PLAAT3: variants seen among roughly 807,000 people sequenced by gnomAD.
The protein encoded by PLAAT3 is Ca-independent phospholipase A1/2.
In PLAAT3, 21 loss-of-function variants were observed where a neutral mutation model predicts 16.7. The observed-to-expected ratio is 1.26, with a 90% CI of 0.89 to 1.81. The LOEUF (loss-of-function observed/expected upper bound fraction) is 1.81, where lower values mean the gene tolerates loss of function less well. Among genes scored for constraint, PLAAT3 ranks in the 40% most tolerant of loss-of-function variants. The pLI, the probability that PLAAT3 is intolerant of heterozygous loss-of-function variation, is 0.00. For missense variants in PLAAT3, 219 were observed against 213.7 expected (o/e 1.02, Z -0.16); for synonymous variants, 76 against 81.7 (o/e 0.93, Z 0.38).
At chr11:63,586,278 T>G (rs1259030692) in intron 4 of PLAAT3, among the ~76,000 whole-genome samples, 1 of 152,048 alleles carries the variant, frequency 6.6e-6, no homozygotes, top group Non-Finnish European at 1.5e-5. Context: ...GGACTGCAGG[T>G]GCCCGCCATC....
At chr11:63,600,424 G>A (rs1938394637) in intron 2 of PLAAT3, among the ~76,000 whole-genome samples, 1 of 152,178 alleles carries the variant, frequency 6.6e-6, no homozygotes, top group African/African-American at 2.4e-5. Flanking sequence ...CATACTGTAT[G>A]ATTCCATCTA....
chr11:63,584,143 T>C (rs1174389921), intron 4 of PLAAT3, among the ~76,000 whole-genome samples: 1 of 152,176 alleles, frequency 6.6e-6, no homozygotes, highest in Non-Finnish European at 1.5e-5. Context: ...TTTGGTTTCA[T>C]TTACAGTAAT....
At chr11:63,585,943 G>A in intron 4 of PLAAT3, among the ~76,000 whole-genome samples, 1 of 152,152 alleles carries the variant, frequency 6.6e-6, no homozygotes, top group Middle Eastern at 3.4e-3. Flanking sequence ...ATGGCCAGGC[G>A]CAGTGGCTCA....
upstream of PLAAT3, among the ~76,000 whole-genome samples, chr11:63,615,326 G>A (rs373546584): frequency 4.4e-3 from 45 of 10,218 alleles, 9 homozygotes; most frequent in Non-Finnish European, 0.016. Context: ...ATATATGTGT[G>A]TATATATGTG....
intron 4 of PLAAT3, among the ~76,000 whole-genome samples, chr11:63,578,322 C>A: frequency 6.6e-6 from 1 of 151,294 alleles, no homozygotes; most frequent in East Asian, 1.9e-4. Flanking sequence ...TGCTCTGAGT[C>A]CCATCTTAAT....
intron 4 of PLAAT3, among the ~76,000 whole-genome samples, chr11:63,586,726 C>T (rs1222733870): frequency 7.0e-6 from 1 of 141,954 alleles, no homozygotes; most frequent in African/African-American, 2.6e-5. Flanking sequence ...ACTGCTAATT[C>T]AAAAAAAAAA....
At chr11:63,604,106 C>G (rs1479060604) in intron 2 of PLAAT3, among the ~76,000 whole-genome samples, 1 of 152,066 alleles carries the variant, frequency 6.6e-6, no homozygotes, top group Non-Finnish European at 1.5e-5. Flanking sequence ...GAGCTGAGAT[C>G]ACGCCACTGC....
chr11:63,588,581 C>G (rs1565249657), intron 4 of PLAAT3, among the ~76,000 whole-genome samples: 1 of 152,152 alleles, frequency 6.6e-6, no homozygotes, highest in Non-Finnish European at 1.5e-5. Flanking sequence ...CTTATCAACT[C>G]TCAGGGAAGT....
intron 1 of PLAAT3, 129 bp from the exon 2 acceptor site, chr11:63,614,197 T>G: frequency 1.4e-6 from 1 of 729,842 alleles, no homozygotes; most frequent in Non-Finnish European, 2.3e-6. Flanking sequence ...ACCACCTCGC[T>G]CCCTTTAACA....
upstream of PLAAT3, among the ~76,000 whole-genome samples, chr11:63,615,986 A>T (rs1330107102): frequency 1.3e-5 from 2 of 152,070 alleles, no homozygotes; most frequent in Non-Finnish European, 2.9e-5. Flanking sequence ...TTTTTAATTG[A>T]CAAAAATTGC....
intron 4 of PLAAT3, 41 bp from the exon 5 acceptor site, chr11:63,575,087 T>C (rs1312985759): frequency 1.5e-6 from 2 of 1,326,906 alleles, no homozygotes; most frequent in Admixed American, 3.4e-5. Context: ...TGTGTCAGGA[T>C]CCAGAGTACA....
upstream of PLAAT3, among the ~76,000 whole-genome samples, chr11:63,615,040 A>ATG (rs1218195475): frequency 5.7e-3 from 55 of 9,664 alleles, 12 homozygotes; most frequent in Non-Finnish European, 0.039. Context: ...GTGTATATAT[A>ATG]TGTATATATA....
chr11:63,606,714 C>A (rs559047879), intron 2 of PLAAT3, among the ~76,000 whole-genome samples: 2 of 150,034 alleles, frequency 1.3e-5, no homozygotes, highest in South Asian at 4.5e-4. Flanking sequence ...AAGGCCCCAG[C>A]GGGGCGCGTG....
chr11:63,592,606 T>C (rs1157808498), intron 3 of PLAAT3, among the ~76,000 whole-genome samples: 2 of 152,240 alleles, frequency 1.3e-5, no homozygotes, highest in Non-Finnish European at 2.9e-5. Context: ...CAGTGCAGCA[T>C]TGTGGTTAAG....
intron 4 of PLAAT3, among the ~76,000 whole-genome samples, chr11:63,576,664 A>G (rs2017666130): frequency 6.6e-6 from 1 of 152,224 alleles, no homozygotes; most frequent in Non-Finnish European, 1.5e-5. Context: ...TCTCAACAAT[A>G]CAATGATTTT....
intron 3 of PLAAT3, among the ~76,000 whole-genome samples, chr11:63,595,905 C>A (rs1258268998): frequency 1.3e-5 from 2 of 152,150 alleles, no homozygotes; most frequent in African/African-American, 2.4e-5. Flanking sequence ...AGTCTCTCTG[C>A]CCAAACACCT....
intron 2 of PLAAT3, among the ~76,000 whole-genome samples, chr11:63,613,078 G>A (rs1938732183): frequency 6.6e-6 from 1 of 152,124 alleles, no homozygotes; most frequent in African/African-American, 2.4e-5. Flanking sequence ...ATGTGTGCTA[G>A]GCATTGTTCT....
At chr11:63,614,320 G>A in intron 1 of PLAAT3, 65 bp downstream of exon 1, 2 of 445,664 alleles carry the variant, frequency 4.5e-6, no homozygotes, top group Non-Finnish European at 8.0e-6. Context: ...CGCGGAAGGG[G>A]AGAAGCATCC....
At position 63,597,705 on chromosome 11, in the gene PLAAT3, G is replaced by A. The variant is rs1938325389; in HGVS notation, c.118+356C>T. Among the ~76,000 whole-genome samples, 4 of 152,284 alleles carry A rather than the reference G, an allele frequency of 2.6e-5. No individual in the cohort carries two copies. The South Asian group carries it at 6.2e-4, about 24-fold the overall frequency. ...AATGCCGCTGCTGATCTGACAGGAGGTGGAGCTCAGGCGGTAATACAAGCG... is the reference window on the plus strand; with the variant it reads ...AATGCCGCTGCTGATCTGACAGGAGATGGAGCTCAGGCGGTAATACAAGCG... On this transcript the variant is annotated intron_variant, in intron 3 of 4. Transcript: ENST00000415826.
Sources: allele counts gnomAD v4.1 joint callset (sites outside exome capture counted in the v4.1 genomes callset), GRCh38; gene constraint gnomAD v4.1.1; transcripts MANE v1.5; gene names NCBI Gene and HGNC (gene_info 2026-07-23, HGNC 2026-07-21).